Variants in GLT8D2 observed in about 807,000 individuals in gnomAD.
GLT8D2 encodes the protein glycosyltransferase 8 domain containing 2.
GLT8D2 carries 45 observed loss-of-function variants against 44.5 expected under a neutral mutation model. The ratio of observed to expected loss-of-function variants is 1.01; its 90% CI spans 0.80 to 1.30. The LOEUF (loss-of-function observed/expected upper bound fraction) is 1.30. GLT8D2 is among the 50% of genes most tolerant of loss of function. The pLI is 0.00. For synonymous variants in GLT8D2, 156 were observed against 157.2 expected (o/e 0.99, Z 0.06); for missense variants, 400 against 430.4 (o/e 0.93, Z 0.62).
chr12:104,013,663 A>G (rs2583230), intron 4 of GLT8D2, among the ~76,000 whole-genome samples: 53,621 of 151,840 alleles, frequency 0.35, 9,827 homozygotes, highest in African/African-American at 0.43. Flanking sequence ...GAATAGGGAT[A>G]TTGTTTTGTT....
chr12:104,026,547 A>C, intron 1 of GLT8D2, among the ~76,000 whole-genome samples: 1 of 152,204 alleles, frequency 6.6e-6, no homozygotes, highest in Non-Finnish European at 1.5e-5. Context: ...GCTTAATACA[A>C]TACCTTGGAT....
intron 4 of GLT8D2, among the ~76,000 whole-genome samples, chr12:104,013,333 T>C (rs1454628921): frequency 1.3e-5 from 2 of 152,230 alleles, no homozygotes; most frequent in East Asian, 3.8e-4. Context: ...TTCTTTTATT[T>C]AGCATAGTTT....
intron 4 of GLT8D2, among the ~76,000 whole-genome samples, chr12:104,006,725 G>T (rs1018989634): frequency 1.3e-5 from 2 of 152,190 alleles, no homozygotes; most frequent in African/African-American, 2.4e-5. Context: ...ACAAGAAAAA[G>T]CTTTGCTTTT....
Position 104,003,323 on chromosome 12 carries a change from T to G in GLT8D2, c.113-17A>C. On this transcript the variant is annotated splice_polypyrimidine_tract_variant and intron_variant, in intron 4 of 10. Coordinates refer to ENST00000360814, the MANE Select transcript of GLT8D2 (RefSeq NM_001384711.1). ...ATTCATCATCTGGAAACATAAAAAC[T>G]GGTGTCTTGGAACATGAAAGAATTT... 6.2e-7 allele frequency: 1 copy of G among 1,612,640 alleles called. No individual in the cohort carries two copies. The highest frequency in any genetic ancestry group is 8.5e-7 in the Non-Finnish European group (1 of 1,178,906).
At chr12:103,996,044 G>T (rs779120283) in intron 8 of GLT8D2, among the ~76,000 whole-genome samples, 169 of 152,280 alleles carry the variant, frequency 1.1e-3, no homozygotes, top group Middle Eastern at 3.4e-3. Context: ...CCCAGATTTT[G>T]ACAAAATTGA....
At chr12:104,019,720 T>C in intron 2 of GLT8D2, 44 bp from the exon 3 acceptor site, 2 of 1,300,210 alleles carry the variant, frequency 1.5e-6, no homozygotes, top group South Asian at 2.5e-5. Flanking sequence ...GAGAATCAAC[T>C]TAAAACTCAT....
chr12:104,001,516 AG>A (rs1272811078), intron 5 of GLT8D2, among the ~76,000 whole-genome samples: 2 of 152,206 alleles, frequency 1.3e-5, no homozygotes, highest in Non-Finnish European at 2.9e-5. Context: ...ATAAGGAATA[AG>A]CATGCCCATT....
intron 1 of GLT8D2, among the ~76,000 whole-genome samples, chr12:104,025,419 G>T (rs1469173108): frequency 6.6e-6 from 1 of 151,956 alleles, no homozygotes; most frequent in Non-Finnish European, 1.5e-5. Flanking sequence ...ATGTTGCCCA[G>T]GCTGGTCTTG....
intron 4 of GLT8D2, among the ~76,000 whole-genome samples, chr12:104,006,237 G>A (rs1874996194): frequency 7.3e-6 from 1 of 136,236 alleles, no homozygotes; most frequent in African/African-American, 2.7e-5. Context: ...TGGGGTGGGG[G>A]GAGGGGGAAG....
intron 1 of GLT8D2, among the ~76,000 whole-genome samples, chr12:104,042,575 C>A (rs1880672784): frequency 6.6e-6 from 1 of 152,090 alleles, no homozygotes; most frequent in Non-Finnish European, 1.5e-5. Flanking sequence ...AGAGAGGGAT[C>A]AGAGTTATAA....
chr12:104,043,297 C>T (rs1880756907), intron 1 of GLT8D2, among the ~76,000 whole-genome samples: 1 of 152,102 alleles, frequency 6.6e-6, no homozygotes, highest in African/African-American at 2.4e-5. Context: ...GCTGAAAACT[C>T]CCAAATTTCT....
chr12:104,045,162 T>C (rs1223943630), intron 1 of GLT8D2, among the ~76,000 whole-genome samples: 1 of 152,166 alleles, frequency 6.6e-6, no homozygotes, highest in East Asian at 1.9e-4. Flanking sequence ...CTCTTGTTGC[T>C]CTGCTCTTCA....
rs148025542 is a variant in GLT8D2 at position 104,003,265 on chromosome 12, G to C, written c.154C>G (p.Pro52Ala). Residue 52 changes from proline (P) to alanine (A), a missense_variant, in exon 5 of 11, where the codon CCT (proline) becomes GCT (alanine). By Grantham distance (27) the Pro-to-Ala change is conservative. Transcript: ENST00000360814. ...ETPEELEEEI[P>A]VVICAAAGRM... is the part of the protein sequence containing the mutation. ...CCTGCTGCAGCACAAATCACCACAG[G>C]AATCTCTTCTTCCAGTTCTTCAGGA... The C allele has an allele frequency of 5.0e-6, 8 of 1,614,080 alleles. No individual in the cohort carries two copies. Among genetic ancestry groups the C allele is most frequent in the Non-Finnish European group, 6.8e-6 (8 of 1,180,006 alleles).
At chr12:104,002,539 C>T (rs957151433) in intron 5 of GLT8D2, among the ~76,000 whole-genome samples, 1 of 152,152 alleles carries the variant, frequency 6.6e-6, no homozygotes, top group African/African-American at 2.4e-5. Context: ...GAGAGACACT[C>T]TCCAAACCAA....
At chr12:104,014,330 G>T (rs1168696348) in intron 4 of GLT8D2, 1 of 695,384 alleles carries the variant, frequency 1.4e-6, no homozygotes, top group Non-Finnish European at 2.6e-6. Flanking sequence ...ATTTGAGCTG[G>T]GGCAACAGAG....
In GLT8D2 at chr12:103,989,790, G is replaced by A. The variant is rs2136251210; in HGVS notation, c.881-213C>T. Among the ~76,000 whole-genome samples the A allele has an allele frequency of 2.0e-5, 3 of 152,146 alleles. No homozygotes were observed. The South Asian group carries it at 6.2e-4, about 32-fold the overall frequency. ...ATAGCATTGTTTGACCTGTATGCAT[G>A]TATATGTATATTTAAAGACAGAAGA... On this transcript the variant is annotated intron_variant, in intron 10 of 10. Transcript: ENST00000360814.
intron 10 of GLT8D2, among the ~76,000 whole-genome samples, chr12:103,992,992 G>A (rs1278176367): frequency 6.6e-6 from 1 of 152,154 alleles, no homozygotes; most frequent in African/African-American, 2.4e-5. Context: ...ACCTGGTGCT[G>A]TATGTAGCAC....
chr12:104,009,693 A>G (rs2136323181), intron 4 of GLT8D2, among the ~76,000 whole-genome samples: 1 of 152,030 alleles, frequency 6.6e-6, no homozygotes, highest in East Asian at 1.9e-4. Context: ...CTTGAATTGT[A>G]CTCCCATATT....
chr12:104,052,693 C>G (rs1881824217), upstream of GLT8D2, among the ~76,000 whole-genome samples: 1 of 152,146 alleles, frequency 6.6e-6, no homozygotes, highest in Non-Finnish European at 1.5e-5. Context: ...TGTCCTTTCT[C>G]CTGGAGAGGC....
Sources: gnomAD v4.1 joint callset for allele counts (sites outside exome capture counted in the v4.1 genomes callset) on GRCh38, gnomAD v4.1.1 for gene constraint, MANE v1.5 for transcripts, NCBI Gene and HGNC (gene_info 2026-07-23, HGNC 2026-07-21) for gene names.